The following QRICH2 variants were observed in gnomAD, a reference collection of about 807,000 sequenced individuals.
QRICH2 encodes the protein glutamine-rich protein 2.
In QRICH2, 119 loss-of-function variants were observed where a neutral mutation model predicts 168.3. That is an observed-to-expected ratio of 0.71 (90% confidence interval 0.61 to 0.82). QRICH2 has a LOEUF of 0.82. QRICH2 is among the 40% of genes least tolerant of loss of function. The pLI is 0.00. For missense variants in QRICH2, 2,241 were observed against 2,491.6 expected, an observed-to-expected ratio of 0.90 and a Z score of 2.14; for synonymous variants, 894 against 951.2, an observed-to-expected ratio of 0.94 and a Z score of 1.11.
chr17:76,279,720 T>C (rs144290910), intron 12 of QRICH2, among the ~76,000 whole-genome samples: 1 of 152,268 alleles, frequency 6.6e-6, no homozygotes, highest in African/African-American at 2.4e-5. Context: ...GGCCAGGTCC[T>C]ATGGGCCAGG....
chr17:76,301,931 ACT>A (rs2143384975), intron 3 of QRICH2, among the ~76,000 whole-genome samples: 1 of 139,808 alleles, frequency 7.2e-6, no homozygotes, highest in African/African-American at 2.7e-5. Flanking sequence ...ACAGAGTCTC[ACT>A]CTGTCAGCTA....
chr17:76,286,384 A>G (rs1036448998), intron 7 of QRICH2, among the ~76,000 whole-genome samples: 3 of 152,226 alleles, frequency 2.0e-5, no homozygotes, highest in Non-Finnish European at 2.9e-5. Flanking sequence ...GCTAAGTGAA[A>G]GAAGCCAGAT....
Position 76,277,222 on chromosome 17 carries a change from G to T in QRICH2, c.5206C>A (p.Arg1736Ser), listed in dbSNP as rs751301078. ...AGGCCCCGGGGAAGGTGCTGCGGGC[G>T]GCTGCGGTGGTAGGGGTAGGTGAGG... ...HTLTYPYHRS[R>S]PQHLPRGLYP... The change falls in exon 16 of 19, where the codon CGC becomes AGC. Residue 1736 changes from arginine to serine, a missense_variant. Coordinates refer to ENST00000680821, the MANE Select transcript of QRICH2 (RefSeq NM_001388453.1). The T allele has an allele frequency of 1.2e-6, 2 of 1,602,758 alleles. No individual in the cohort carries two copies. The highest frequency in any genetic ancestry group is 1.7e-6 in the Non-Finnish European group (2 of 1,176,950).
At chr17:76,276,649 A>T (rs375720741) in intron 17 of QRICH2, 31 bp downstream of exon 17, 50 of 1,568,124 alleles carry the variant, frequency 3.2e-5, no homozygotes, top group Non-Finnish European at 4.3e-5. Flanking sequence ...GACCCACGTG[A>T]GGTGCCTGGG....
chr17:76,283,349 T>C (rs1252659129), intron 7 of QRICH2, among the ~76,000 whole-genome samples: 2 of 151,652 alleles, frequency 1.3e-5, no homozygotes, highest in Non-Finnish European at 2.9e-5. Flanking sequence ...TGGCTAAAGA[T>C]GGGGCATGTG....
intron 14 of QRICH2, among the ~76,000 whole-genome samples, 165 bp downstream of exon 14, chr17:76,278,876 G>A (rs1399854559): frequency 2.0e-5 from 3 of 152,210 alleles, no homozygotes; most frequent in Non-Finnish European, 2.9e-5. Context: ...ATCGGCCTGC[G>A]GCCCCCACTG....
chr17:76,285,393 A>G (rs1404776355), intron 7 of QRICH2, among the ~76,000 whole-genome samples: 1 of 151,278 alleles, frequency 6.6e-6, no homozygotes, highest in Non-Finnish European at 1.5e-5. Flanking sequence ...GGGCCTCCCA[A>G]AGTGCTGGGA....
chr17:76,285,651 C>A (rs1389777213), intron 7 of QRICH2, among the ~76,000 whole-genome samples: 3 of 151,706 alleles, frequency 2.0e-5, no homozygotes, highest in Middle Eastern at 3.4e-3. Flanking sequence ...GAGTTTGAGA[C>A]CAGCCTGGCC....
chr17:76,287,979 GC>G, intron 5 of QRICH2, 82 bp from the exon 6 acceptor site: 1 of 1,117,590 alleles, frequency 8.9e-7, no homozygotes, highest in Non-Finnish European at 1.4e-6. Context: ...GCTCATGCCA[GC>G]CCTCCCCGTT....
Position 76,291,193 on chromosome 17 carries a change from C to A in QRICH2, c.3534G>T (p.Glu1178Asp), listed in dbSNP as rs762281295. 1.1e-5 allele frequency: 18 copies of A among 1,614,192 alleles called. No individual in the cohort carries two copies. The highest frequency in any genetic ancestry group is 1.7e-4 in the Middle Eastern group (1 of 6,060). The change falls in exon 4 of 19, where the codon GAG becomes GAT. Residue 1178 changes from glutamate (E) to aspartate (D), a missense_variant. By Grantham distance (45) the Glu-to-Asp change is conservative. Around this residue, in one of 3 missense-constraint regions of QRICH2, gnomAD observed 2,047 missense variants for 2,303.8 expected, o/e 0.89. Coordinates refer to ENST00000680821, the MANE Select transcript of QRICH2 (RefSeq NM_001388453.1). ...TCATTCTACGCAGTGAATTGCGTCG[C>A]TCACTCAGGACTTCACTCGAGACTT... The part of the protein sequence containing the change: ...GSEVSSEVLS[E>D]RRNSLRRMSS...
chr17:76,279,032 A>G lies in QRICH2; in HGVS notation c.4916+9T>C, dbSNP rs2070739178. 4 of 1,610,508 alleles carry G rather than the reference A, an allele frequency of 2.5e-6. No individual in the cohort carries two copies. The highest frequency in any genetic ancestry group is 1.3e-5 in the African/African-American group (1 of 74,890). On this transcript the variant is annotated intron_variant, in intron 14 of 18. Coordinates refer to ENST00000680821, the MANE Select transcript of QRICH2 (RefSeq NM_001388453.1). ...ACCCATATGTCCCATATGCTGTCCCATAGCATACTTGCGGCTATGCTGCCG... is the reference window on the plus strand; with the variant it reads ...ACCCATATGTCCCATATGCTGTCCCGTAGCATACTTGCGGCTATGCTGCCG...
intron 3 of QRICH2, among the ~76,000 whole-genome samples, chr17:76,302,474 G>A (rs2070922742): frequency 6.6e-6 from 1 of 152,208 alleles, no homozygotes; most frequent in South Asian, 2.1e-4. Flanking sequence ...CGTGGTAAAA[G>A]GGACTTTGCA....
At chr17:76,287,528 G>A (rs2070912764) in intron 6 of QRICH2, among the ~76,000 whole-genome samples, 1 of 152,172 alleles carries the variant, frequency 6.6e-6, no homozygotes. Flanking sequence ...CAGAGGGGCC[G>A]TCAGAAGTTG....
At position 76,291,669 on chromosome 17, in the gene QRICH2, C is replaced by G. The variant is rs759270014; in HGVS notation, c.3058G>C (p.Gly1020Arg). 1.2e-6 allele frequency: 2 copies of G among 1,614,042 alleles called. No homozygotes were observed. Among genetic ancestry groups the G allele is most frequent in the Admixed American group, 3.3e-5 (2 of 60,010 alleles). The change falls in exon 4 of 19, where the codon GGC (glycine) becomes CGC (arginine). Residue 1020 changes from glycine to arginine, a missense_variant. By Grantham distance (125) the Gly-to-Arg change is moderately radical. Transcript: ENST00000680821. ...GMVPPGREQYGQVSPLLASQG... is the reference protein window; with the variant it reads ...GMVPPGREQYRQVSPLLASQG... Reference sequence around the variant, plus strand: ...CTGGCTAGGAGTGGTGACACCTGGCCGTATTGTTCTCTGCCAGGAGGTACC... The same window carrying G: ...CTGGCTAGGAGTGGTGACACCTGGCGGTATTGTTCTCTGCCAGGAGGTACC...
rs541620450 is a variant in QRICH2 at position 76,288,691 on chromosome 17, C to T, written c.3799-794G>A. On this transcript the variant is annotated intron_variant, in intron 5 of 18. Coordinates refer to ENST00000680821, the MANE Select transcript of QRICH2 (RefSeq NM_001388453.1). ...TTGCACTCTAGCCTGGGCAACAGAG[C>T]GAGACTCCGTCTCAATTTAAAAAAA... Among the ~76,000 whole-genome samples the T allele has an allele frequency of 9.6e-4, 146 of 151,430 alleles. 1 individual carries two copies. Among genetic ancestry groups the T allele is most frequent in the Admixed American group, 1.5e-3 (23 of 15,174 alleles).
chr17:76,295,073 C>CAAACAAACAAAT (rs1555675460), intron 3 of QRICH2, among the ~76,000 whole-genome samples: 23,250 of 142,932 alleles, frequency 0.16, 2,153 homozygotes, highest in East Asian at 0.32. Flanking sequence ...CTACTAAAAA[C>CAAACAAACAAAT]AAATAAATAA....
chr17:76,290,890 A>G (rs2070974066), intron 4 of QRICH2, 125 bp downstream of exon 4: 1 of 1,419,036 alleles, frequency 7.0e-7, no homozygotes, highest in South Asian at 1.4e-5. Context: ...GCTCTGAATG[A>G]CATGCTGTTT....
chr17:76,303,517 A>C (rs2143393425), intron 3 of QRICH2, among the ~76,000 whole-genome samples: 1 of 152,268 alleles, frequency 6.6e-6, no homozygotes, highest in East Asian at 1.9e-4. Flanking sequence ...GGGGATCGGA[A>C]AACAATTTGG....
intron 1 of QRICH2, among the ~76,000 whole-genome samples, chr17:76,305,576 T>A (rs2070978573): frequency 6.6e-6 from 1 of 152,086 alleles, no homozygotes; most frequent in South Asian, 2.1e-4. Flanking sequence ...CAGGAGTAAG[T>A]GCTGCTGCAG....
Sources: gnomAD v4.1 joint callset for allele counts (sites outside exome capture counted in the v4.1 genomes callset) on GRCh38, gnomAD v4.1.1 for gene constraint, gnomAD v4.1.1 regional missense constraint, MANE v1.5 for transcripts, NCBI Gene and HGNC (gene_info 2026-07-23, HGNC 2026-07-21) for gene names.